PACRG: variants seen among roughly 807,000 people sequenced by gnomAD.
PACRG encodes parkin coregulated gene protein.
In PACRG, 29 loss-of-function variants were observed where a neutral mutation model predicts 29.7. The ratio of observed to expected loss-of-function variants is 0.98; its 90% confidence interval spans 0.73 to 1.33. PACRG has a LOEUF of 1.33. Among genes scored for constraint, PACRG ranks in the 40% most tolerant of loss-of-function variants. The pLI is 0.00. For synonymous variants in PACRG, 116 were observed against 118.7 expected, an observed-to-expected ratio of 0.98 and a Z score of 0.15; for missense variants, 279 against 316.2, an observed-to-expected ratio of 0.88 and a Z score of 0.89.
At chr6:162,988,698 C>A (rs2128181819) in intron 2 of PACRG, among the ~76,000 whole-genome samples, 1 of 152,208 alleles carries the variant, frequency 6.6e-6, no homozygotes, top group African/African-American at 2.4e-5. Context: ...TTATGTGCAG[C>A]ATATTCATTA....
At chr6:163,041,056 A>T (rs1808647907) in intron 2 of PACRG, among the ~76,000 whole-genome samples, 1 of 152,024 alleles carries the variant, frequency 6.6e-6, no homozygotes. Context: ...CCCATACATC[A>T]GCCGGGTGCA....
At chr6:163,159,689 T>C (rs1778471998) in intron 4 of PACRG, among the ~76,000 whole-genome samples, 1 of 152,206 alleles carries the variant, frequency 6.6e-6, no homozygotes, top group Non-Finnish European at 1.5e-5. Flanking sequence ...TACTTGTCCT[T>C]TCTAGGTTCT....
At chr6:163,169,579 T>C (rs977135520) in intron 4 of PACRG, among the ~76,000 whole-genome samples, 2 of 152,234 alleles carry the variant, frequency 1.3e-5, no homozygotes, top group Non-Finnish European at 2.9e-5. Flanking sequence ...GGCTGCGTGC[T>C]GTGCTCCTAC....
At chr6:162,793,825 A>G (rs1490447455) in intron 1 of PACRG, among the ~76,000 whole-genome samples, 2 of 152,096 alleles carry the variant, frequency 1.3e-5, no homozygotes, top group Admixed American at 1.3e-4. Context: ...ACTCCAGCAC[A>G]CTCTTAACAA....
chr6:163,099,729 G>GCATCGTTAAAAGGT (rs1814915216), intron 4 of PACRG, among the ~76,000 whole-genome samples: 1 of 152,150 alleles, frequency 6.6e-6, no homozygotes, highest in Non-Finnish European at 1.5e-5. Flanking sequence ...CACTATTCAT[G>GCATCGTTAAAAGGT]CCATCGTTAA....
rs115683777 is a variant in PACRG, at chr6:162,987,179, G to A, written c.292-74971G>A. Among the ~76,000 whole-genome samples the A allele has an allele frequency of 9.1e-3, 1,387 of 152,140 alleles. 12 individuals are homozygous for A. Among genetic ancestry groups the A allele is most frequent in the African/African-American group, 0.024 (993 of 41,508 alleles). ...GTGGAAAAATCTGGAACTCAAGTCTGCTCTTCAGATTCTTTTGTCCCATGA... is the reference window on the plus strand; with the variant it reads ...GTGGAAAAATCTGGAACTCAAGTCTACTCTTCAGATTCTTTTGTCCCATGA... On this transcript the variant is annotated intron_variant, in intron 2 of 4. Coordinates refer to ENST00000366888, the MANE Select transcript of PACRG (RefSeq NM_001080379.2).
chr6:162,894,910 T>C (rs1414766791), intron 2 of PACRG, among the ~76,000 whole-genome samples: 1 of 152,148 alleles, frequency 6.6e-6, no homozygotes, highest in Non-Finnish European at 1.5e-5. Flanking sequence ...TTATTAAACT[T>C]AATGAAAGTG....
intron 4 of PACRG, among the ~76,000 whole-genome samples, chr6:163,109,819 G>C (rs1815608293): frequency 6.6e-6 from 1 of 152,150 alleles, no homozygotes; most frequent in Non-Finnish European, 1.5e-5. Flanking sequence ...CTCTTTCTGT[G>C]GTACTATAGA....
intron 2 of PACRG, among the ~76,000 whole-genome samples, chr6:162,926,478 G>C (rs1443942384): frequency 6.6e-6 from 1 of 152,048 alleles, no homozygotes; most frequent in Admixed American, 6.6e-5. Context: ...AAACAGAATA[G>C]AGATCTCAGA....
chr6:163,210,160 CACAG>C (rs1235692736), intron 4 of PACRG, among the ~76,000 whole-genome samples: 1 of 152,196 alleles, frequency 6.6e-6, no homozygotes, highest in Non-Finnish European at 1.5e-5. Flanking sequence ...CAGGTGAGTA[CACAG>C]ACAATTACAT....
intron 4 of PACRG, among the ~76,000 whole-genome samples, chr6:163,268,904 G>A (rs1029793751): frequency 6.6e-6 from 1 of 152,146 alleles, no homozygotes; most frequent in Non-Finnish European, 1.5e-5. Context: ...ATGTGCTTCC[G>A]ACTTCTTCCT....
At chr6:162,868,222 A>G (rs1409007952) in intron 2 of PACRG, among the ~76,000 whole-genome samples, 1 of 152,212 alleles carries the variant, frequency 6.6e-6, no homozygotes, top group Admixed American at 6.5e-5. Flanking sequence ...ACTAGAGGCG[A>G]TAGGCCGCCC....
intron 2 of PACRG, among the ~76,000 whole-genome samples, chr6:162,953,727 C>T (rs955071601): frequency 6.7e-5 from 10 of 149,388 alleles, no homozygotes; most frequent in African/African-American, 2.5e-4. Flanking sequence ...ATTTCTCTCT[C>T]TTATTGTTCC....
intron 4 of PACRG, among the ~76,000 whole-genome samples, chr6:163,144,752 G>C (rs1289658287): frequency 3.9e-5 from 6 of 152,156 alleles, no homozygotes; most frequent in Non-Finnish European, 7.4e-5. Flanking sequence ...CTGGGCGACA[G>C]AGCGAGACTC....
chr6:163,304,531 T>G (rs1785123272), intron 4 of PACRG, among the ~76,000 whole-genome samples: 1 of 152,132 alleles, frequency 6.6e-6, no homozygotes, highest in Non-Finnish European at 1.5e-5. Flanking sequence ...AAACATCTAT[T>G]AAGGGTTTTA....
intron 1 of PACRG, among the ~76,000 whole-genome samples, chr6:162,751,973 T>C (rs1781544294): frequency 6.6e-6 from 1 of 152,178 alleles, no homozygotes; most frequent in South Asian, 2.1e-4. Context: ...CTATAATTTT[T>C]ACATGGAATG....
At chr6:162,867,493 T>C (rs998280886) in intron 2 of PACRG, among the ~76,000 whole-genome samples, 3 of 152,058 alleles carry the variant, frequency 2.0e-5, no homozygotes, top group Non-Finnish European at 4.4e-5. Flanking sequence ...CCAGGGTCCC[T>C]ACCTTGAAGC....
chr6:163,133,844 C>T (rs1226495065), intron 4 of PACRG, among the ~76,000 whole-genome samples: 1 of 152,182 alleles, frequency 6.6e-6, no homozygotes, highest in Non-Finnish European at 1.5e-5. Flanking sequence ...TAAATATTGG[C>T]ATGAATTTTA....
chr6:163,195,468 G>A (rs77940164), intron 4 of PACRG, among the ~76,000 whole-genome samples: 1,871 of 152,278 alleles, frequency 0.012, 37 homozygotes, highest in African/African-American at 0.041. Flanking sequence ...ATGGAGAGGA[G>A]TGTTGGAGGC....
Sources: gnomAD v4.1 joint callset for allele counts (sites outside exome capture counted in the v4.1 genomes callset) on GRCh38, gnomAD v4.1.1 for gene constraint, MANE v1.5 for transcripts, NCBI Gene and HGNC (gene_info 2026-07-23, HGNC 2026-07-21) for gene names.